The following SV2C variants were observed in gnomAD, a reference collection of about 807,000 sequenced individuals.
SV2C encodes synaptic vesicle glycoprotein 2C.
SV2C carries 49 observed loss-of-function variants against 79.7 expected under a neutral mutation model. That is an observed-to-expected ratio of 0.61 (90% CI 0.49 to 0.78). SV2C has a LOEUF of 0.78. SV2C is among the 30% of genes least tolerant of loss of function. The pLI, the probability that SV2C is intolerant of heterozygous loss-of-function variation, is 0.00. For missense variants in SV2C, 833 were observed against 912.9 expected (o/e 0.91, Z 1.13); for synonymous variants, 334 against 333.2 (o/e 1.00, Z -0.03).
chr5:76,122,304 T>C (rs938584194), intron 1 of SV2C, among the ~76,000 whole-genome samples: 15 of 151,726 alleles, frequency 9.9e-5, no homozygotes, highest in South Asian at 2.1e-4. Flanking sequence ...TATACAATCA[T>C]GTCGTCTGCA....
intron 4 of SV2C, among the ~76,000 whole-genome samples, chr5:76,266,572 T>C (rs910096421): frequency 6.6e-6 from 1 of 152,194 alleles, no homozygotes; most frequent in African/African-American, 2.4e-5. Context: ...AGATGAATAC[T>C]GTATAATGCC....
the SV2C span, among the ~76,000 whole-genome samples, chr5:75,912,292 G>T: frequency 6.6e-6 from 1 of 152,050 alleles, no homozygotes; most frequent in Non-Finnish European, 1.5e-5. Flanking sequence ...CCAGAAGAAC[G>T]CATTTTCAGA....
chr5:76,059,547 A>G, the SV2C span, among the ~76,000 whole-genome samples: 1 of 151,148 alleles, frequency 6.6e-6, no homozygotes, highest in Non-Finnish European at 1.5e-5. Flanking sequence ...AAGTTTTATC[A>G]TGACATTGTA....
At chr5:75,968,039 G>A in the SV2C span, among the ~76,000 whole-genome samples, 1 of 152,162 alleles carries the variant, frequency 6.6e-6, no homozygotes, top group Non-Finnish European at 1.5e-5. Flanking sequence ...TGCAGACACC[G>A]CTGCTGATAC....
the SV2C span, among the ~76,000 whole-genome samples, chr5:75,880,169 GA>G: frequency 0.12 from 18,858 of 151,440 alleles, 1,389 homozygotes; most frequent in African/African-American, 0.22. Flanking sequence ...AGAGATATCT[GA>G]AAAAATGCCT....
intron 4 of SV2C, among the ~76,000 whole-genome samples, chr5:76,255,584 C>G (rs1020971416): frequency 6.6e-6 from 1 of 152,198 alleles, no homozygotes; most frequent in Non-Finnish European, 1.5e-5. Flanking sequence ...GTCTGTCTAG[C>G]CAGGCATCCC....
At chr5:76,245,989 G>A (rs1301716434) in intron 4 of SV2C, among the ~76,000 whole-genome samples, 1 of 149,612 alleles carries the variant, frequency 6.7e-6, no homozygotes, top group Non-Finnish European at 1.5e-5. Context: ...GGATATAGAA[G>A]GTTTTTTTTC....
At chr5:76,321,190 A>ATGACT (rs1312298640) in intron 12 of SV2C, among the ~76,000 whole-genome samples, 1 of 152,208 alleles carries the variant, frequency 6.6e-6, no homozygotes, top group Admixed American at 6.5e-5. Flanking sequence ...ATGAGTAGTT[A>ATGACT]TGACTTGTCA....
At chr5:76,286,251 G>A (rs1471032364) in intron 6 of SV2C, among the ~76,000 whole-genome samples, 2 of 152,124 alleles carry the variant, frequency 1.3e-5, no homozygotes, top group African/African-American at 2.4e-5. Context: ...TTCAGTACCC[G>A]AGGACAAGAG....
At chr5:75,926,835 C>T in the SV2C span, among the ~76,000 whole-genome samples, 6 of 152,120 alleles carry the variant, frequency 3.9e-5, no homozygotes, top group African/African-American at 1.2e-4. Context: ...AAAAAATTCC[C>T]GTTCCTTTTA....
At chr5:76,279,672 G>C (rs1329355617) in intron 4 of SV2C, among the ~76,000 whole-genome samples, 1 of 152,192 alleles carries the variant, frequency 6.6e-6, no homozygotes, top group East Asian at 1.9e-4. Context: ...GGGGGAGAAA[G>C]TGGAGACTGG....
chr5:75,955,984 G>T, the SV2C span, among the ~76,000 whole-genome samples: 4 of 150,224 alleles, frequency 2.7e-5, no homozygotes, highest in Non-Finnish European at 4.5e-5. Context: ...GGAAGTCAGT[G>T]TGGCGATTCC....
intron 4 of SV2C, among the ~76,000 whole-genome samples, chr5:76,219,480 G>A (rs1451809599): frequency 2.0e-5 from 3 of 152,150 alleles, no homozygotes; most frequent in African/African-American, 4.8e-5. Flanking sequence ...ATGTGTTTAA[G>A]TGCATGGCCA....
chr5:76,039,966 T>C, the SV2C span, among the ~76,000 whole-genome samples: 2 of 152,054 alleles, frequency 1.3e-5, no homozygotes, highest in Non-Finnish European at 2.9e-5. Flanking sequence ...ACCACCAAAA[T>C]TCAAGCTACA....
intron 2 of SV2C, among the ~76,000 whole-genome samples, chr5:76,154,757 T>A (rs1742668291): frequency 6.6e-6 from 1 of 152,210 alleles, no homozygotes; most frequent in African/African-American, 2.4e-5. Flanking sequence ...AAAAAGTATC[T>A]AAGACAGGTC....
At chr5:76,168,203 C>T (rs1418633179) in intron 2 of SV2C, among the ~76,000 whole-genome samples, 2 of 152,186 alleles carry the variant, frequency 1.3e-5, no homozygotes, top group Non-Finnish European at 2.9e-5. Flanking sequence ...CTCCCCAGTC[C>T]TGCATGGGGA....
intron 4 of SV2C, among the ~76,000 whole-genome samples, chr5:76,262,093 A>G (rs77830222): frequency 0.61 from 92,502 of 151,976 alleles, 28,596 homozygotes; most frequent in Middle Eastern, 0.73. Flanking sequence ...TTTGGTTGGT[A>G]GACTATTAAT....
rs536153455 is a variant in SV2C, at chr5:76,273,594, G to A, written c.914-11568G>A. 3.3e-5 allele frequency among the ~76,000 whole-genome samples: 5 copies of A among 152,278 alleles called. No homozygotes were observed. In the South Asian group the frequency reaches 8.3e-4, roughly 25 times the overall value. On this transcript the variant is annotated intron_variant, in intron 4 of 12. Transcript: ENST00000502798. ...TCATAAGTCAAATTCAGGAAGCAGA[G>A]GCATAATGTGACTTCCTTCCACCGC...
chr5:76,135,324 C>A (rs1245406033), intron 2 of SV2C, among the ~76,000 whole-genome samples: 1 of 152,186 alleles, frequency 6.6e-6, no homozygotes, highest in African/African-American at 2.4e-5. Context: ...CCCATTTGAG[C>A]TGAAATGCCC....
Sources: gnomAD v4.1 joint callset for allele counts (sites outside exome capture counted in the v4.1 genomes callset) on GRCh38, gnomAD v4.1.1 for gene constraint, MANE v1.5 for transcripts, NCBI Gene and HGNC (gene_info 2026-07-23, HGNC 2026-07-21) for gene names.